The following NDEL1 variants were observed in gnomAD, a reference collection of about 807,000 sequenced individuals.
The protein encoded by NDEL1 is nudE neurodevelopment protein 1 like 1.
In NDEL1, 9 loss-of-function variants were observed where a neutral mutation model predicts 45.7. That is an observed-to-expected ratio of 0.20 (90% CI 0.12 to 0.34). The LOEUF is 0.34. Among genes scored for constraint, NDEL1 ranks in the 10% least tolerant of loss-of-function variants. The pLI, the probability that NDEL1 is intolerant of heterozygous loss-of-function variation, is 1.00. For synonymous variants in NDEL1, 133 were observed against 158.6 expected, an observed-to-expected ratio of 0.84 and a Z score of 1.21; for missense variants, 306 against 406.2, an observed-to-expected ratio of 0.75 and a Z score of 2.12.
At chr17:8,438,811 T>C (rs1329550715) in intron 1 of NDEL1, among the ~76,000 whole-genome samples, 1 of 151,780 alleles carries the variant, frequency 6.6e-6, no homozygotes, top group African/African-American at 2.4e-5. Context: ...CCACTGTGCC[T>C]GGCCAGAATC....
At chr17:8,445,382 A>G (rs62063363) in intron 2 of NDEL1, among the ~76,000 whole-genome samples, 5,773 of 152,328 alleles carry the variant, frequency 0.038, 138 homozygotes, top group Middle Eastern at 0.068. Flanking sequence ...ATATGGTAGA[A>G]GGAAATGCCA....
intron 6 of NDEL1, among the ~76,000 whole-genome samples, chr17:8,451,250 T>C (rs1467496871): frequency 1.3e-5 from 2 of 152,172 alleles, no homozygotes; most frequent in Non-Finnish European, 2.9e-5. Flanking sequence ...AGGTAGAAAA[T>C]TTTAAAAACA....
Position 8,452,044 on chromosome 17 carries a change from A to G in NDEL1, c.700+1091A>G, listed in dbSNP as rs773826077. On this transcript the variant is annotated intron_variant, in intron 6 of 8. Coordinates refer to ENST00000334527, the MANE Select transcript of NDEL1 (RefSeq NM_030808.5). Reference sequence around the variant, plus strand: ...CTTGTCTTTGCCTTGTTACGAGATGATATCAGATAAGGTATGTGAAGGTGC... The same window carrying G: ...CTTGTCTTTGCCTTGTTACGAGATGGTATCAGATAAGGTATGTGAAGGTGC... Among the ~76,000 whole-genome samples, 6 of 152,182 alleles carry G rather than the reference A, an allele frequency of 3.9e-5. No individual in the cohort carries two copies. The South Asian group carries it at 6.2e-4, about 16-fold the overall frequency.
chr17:8,463,517 G>C (rs1209230028), intron 8 of NDEL1, among the ~76,000 whole-genome samples: 1 of 152,208 alleles, frequency 6.6e-6, no homozygotes, highest in Non-Finnish European at 1.5e-5. Flanking sequence ...CGACTTGACT[G>C]TATGCCGTTA....
upstream of NDEL1, among the ~76,000 whole-genome samples, chr17:8,433,583 C>A (rs1396766191): frequency 6.6e-6 from 1 of 152,184 alleles, no homozygotes; most frequent in Admixed American, 6.5e-5. Flanking sequence ...CTGATAGGGA[C>A]TCTCTTCAAA....
chr17:8,444,645 C>A, intron 2 of NDEL1: 1 of 272,296 alleles, frequency 3.7e-6, no homozygotes, highest in Non-Finnish European at 7.0e-6. Context: ...ATCTTTGGCC[C>A]GTTTTGCATG....
chr17:8,415,808 C>A (rs762316096), intron 1 of NDEL1, among the ~76,000 whole-genome samples: 1 of 152,158 alleles, frequency 6.6e-6, no homozygotes. Flanking sequence ...AGTGTGATGG[C>A]GCGATCTCAG....
intron 3 of NDEL1, 109 bp from the exon 4 acceptor site, chr17:8,446,645 G>A: frequency 9.4e-7 from 1 of 1,058,274 alleles, no homozygotes. Flanking sequence ...TGTTACAAGA[G>A]TGTGGGTAAA....
downstream of NDEL1, among the ~76,000 whole-genome samples, chr17:8,470,705 G>A (rs925590183): frequency 1.3e-5 from 2 of 152,230 alleles, no homozygotes; most frequent in African/African-American, 2.4e-5. The surrounding 1 kb of genome is among the most constrained non-coding windows in gnomAD (Gnocchi z 4.2). Flanking sequence ...TTTTTCTGCT[G>A]TGCCTTTCCA....
intron 1 of NDEL1, among the ~76,000 whole-genome samples, chr17:8,441,779 G>A (rs2151711421): frequency 6.6e-6 from 1 of 152,046 alleles, no homozygotes; most frequent in South Asian, 2.1e-4. Context: ...TTCATCCTGG[G>A]ACTTTTCATT....
intron 8 of NDEL1, chr17:8,466,193 A>C (rs1395391662): frequency 6.6e-6 from 1 of 152,252 alleles, no homozygotes. Flanking sequence ...AAAAAGGATA[A>C]AGTAGTAAAC....
downstream of NDEL1, among the ~76,000 whole-genome samples, chr17:8,470,016 G>GT (rs987186826): frequency 1.9e-4 from 29 of 151,456 alleles, no homozygotes; most frequent in African/African-American, 4.1e-4. This position sits in a 1 kb window ranked among gnomAD's most constrained non-coding sequence, Gnocchi z 4.2. Context: ...CCTTAGTGAC[G>GT]TTTTTTTTGT....
At position 8,460,045 on chromosome 17, in the gene NDEL1, G is replaced by A. The variant is rs778033229; in HGVS notation, c.829G>A (p.Ala277Thr). Residue 277 changes from alanine (A) to threonine (T), a missense_variant, in exon 8 of 9, where the codon GCA (alanine) becomes ACA (threonine). Around this residue, in one of 3 missense-constraint regions of NDEL1, gnomAD observed 175 missense variants for 205.2 expected, o/e 0.85. Coordinates refer to ENST00000334527, the MANE Select transcript of NDEL1 (RefSeq NM_030808.5). The part of the protein sequence containing the change: ...ESKLAACRNF[A>T]KDQASRKSYI... ...CAAATTAGCAGCTTGCAGGAATTTT[G>A]CAAAGGACCAAGCATCACGAAAATC... 34 of 1,613,656 alleles carry A rather than the reference G, an allele frequency of 2.1e-5. No homozygotes were observed. The highest frequency in any genetic ancestry group is 2.9e-5 in the Non-Finnish European group (34 of 1,179,884).
intron 1 of NDEL1, among the ~76,000 whole-genome samples, chr17:8,413,502 C>A (rs1908472127): frequency 6.6e-6 from 1 of 152,178 alleles, no homozygotes; most frequent in Non-Finnish European, 1.5e-5. Flanking sequence ...CATTTGCGCA[C>A]ATCTTCCCCC....
rs536341797 is a variant in NDEL1, at chr17:8,423,685, A to AAAAC, written c.-13+10436_-13+10439dup. ...GGTGACAGAGCAAGACTCTGTCTCAAAAACAAACAAACAAACAAACAAAAA... is the reference window on the plus strand; with the variant it reads ...GGTGACAGAGCAAGACTCTGTCTCAAAAACAAACAAACAAACAAACAAACAAAAA... On this transcript the variant is annotated intron_variant, in intron 1 of 4. Transcript: ENST00000582812. Among the ~76,000 whole-genome samples the AAAAC allele has an allele frequency of 4.6e-3, 695 of 152,280 alleles. 7 individuals are homozygous for AAAAC. Among genetic ancestry groups the AAAAC allele is most frequent in the Non-Finnish European group, 6.8e-3 (465 of 67,992 alleles).
intron 1 of NDEL1, among the ~76,000 whole-genome samples, chr17:8,418,327 CTG>C (rs1311137292): frequency 5.3e-5 from 8 of 152,188 alleles, no homozygotes; most frequent in Admixed American, 2.0e-4. Flanking sequence ...ATTTTTCACT[CTG>C]TGACCAGCAT....
intron 2 of NDEL1, among the ~76,000 whole-genome samples, chr17:8,445,432 G>T (rs749974429): frequency 5.3e-5 from 8 of 152,208 alleles, no homozygotes; most frequent in Middle Eastern, 3.4e-3. Flanking sequence ...CATTTTTCTC[G>T]CATCTGAGTT....
At chr17:8,461,747 A>G (rs1388019655) in intron 8 of NDEL1, among the ~76,000 whole-genome samples, 1 of 152,130 alleles carries the variant, frequency 6.6e-6, no homozygotes, top group East Asian at 1.9e-4. Flanking sequence ...AGTCTTCATA[A>G]ATGTTGGAAG....
chr17:8,433,297 T>A (rs543725722), upstream of NDEL1, among the ~76,000 whole-genome samples: 2 of 152,350 alleles, frequency 1.3e-5, no homozygotes, highest in South Asian at 4.1e-4. Flanking sequence ...TGGCTATTGT[T>A]TCTGCTGTTA....
Sources: allele counts gnomAD v4.1 joint callset (sites outside exome capture counted in the v4.1 genomes callset), GRCh38; gene constraint gnomAD v4.1.1; regional missense constraint gnomAD v4.1.1; non-coding constraint Gnocchi (gnomAD v3.1); transcripts MANE v1.5; gene names NCBI Gene and HGNC (gene_info 2026-07-23, HGNC 2026-07-21).